TMEM165: variants seen among roughly 807,000 people sequenced by gnomAD.
TMEM165 encodes transmembrane protein 165, also known as putative divalent cation/proton antiporter TMEM165.
A neutral mutation model predicts 30.0 loss-of-function variants in TMEM165; 19 were observed. The observed-to-expected ratio is 0.63, with a 90% CI of 0.44 to 0.93. The LOEUF (loss-of-function observed/expected upper bound fraction) is 0.93, where lower values mean the gene tolerates loss of function less well. Ranked by LOEUF, TMEM165 falls within the 40% of genes least tolerant of loss-of-function variation. The probability of loss-of-function intolerance (pLI) is 0.00; values close to 1 mark genes in which losing one functional copy is unlikely to be tolerated. For synonymous variants in TMEM165, 168 were observed against 162.9 expected (o/e 1.03, Z -0.24); for missense variants, 340 against 417.0 (o/e 0.82, Z 1.61).
At chr4:55,411,357 A>G in intron 1 of TMEM165, among the ~76,000 whole-genome samples, 1 of 152,144 alleles carries the variant, frequency 6.6e-6, no homozygotes, top group East Asian at 1.9e-4. Flanking sequence ...CAGCTATGAT[A>G]TAAATATTCC....
chr4:55,435,046 T>C, intron 3 of TMEM165: 1 of 323,294 alleles, frequency 3.1e-6, no homozygotes, highest in African/African-American at 2.1e-5. Flanking sequence ...CTGTAACACT[T>C]GATAAGAGGC....
rs1721803596 is a variant in TMEM165 at position 55,417,854 on chromosome 4, A to G, written c.661A>G (p.Ser221Gly). The change falls in exon 4 of 6, where the codon AGC (serine) becomes GGC (glycine). Residue 221 changes from serine to glycine, a missense_variant. Coordinates refer to ENST00000381334, the MANE Select transcript of TMEM165 (RefSeq NM_018475.5). Reference protein sequence around the residue: ...NGPGDVETGTSITVPQKKWLH... With the variant: ...NGPGDVETGTGITVPQKKWLH... The stretch of plus-strand genomic sequence containing the variant: ...ACCGGGAGATGTTGAAACGGGTACA[A>G]GCATAACAGTACCTCAGAAAAAGTG... 2 of 1,613,896 alleles carry G rather than the reference A, an allele frequency of 1.2e-6. No individual in the cohort carries two copies. Among genetic ancestry groups the G allele is most frequent in the African/African-American group, 1.3e-5 (1 of 74,924 alleles).
chr4:55,424,478 G>T, intron 4 of TMEM165, 60 bp from the exon 5 acceptor site: 1 of 991,200 alleles, frequency 1.0e-6, no homozygotes, highest in South Asian at 1.3e-5. Context: ...GAATTGTTAT[G>T]GTTCTCAAGC....
At chr4:55,412,554 TC>T (rs1721554649) in intron 2 of TMEM165, 1 of 152,136 alleles carries the variant, frequency 6.6e-6, no homozygotes. Flanking sequence ...TACATTTTTT[TC>T]TTCCTATAAT....
intron 3 of TMEM165, among the ~76,000 whole-genome samples, chr4:55,440,710 C>A (rs1181796232): frequency 6.6e-6 from 1 of 152,122 alleles, no homozygotes; most frequent in African/African-American, 2.4e-5. Flanking sequence ...TAAATTAATA[C>A]CTGAATTAGC....
intron 1 of TMEM165, among the ~76,000 whole-genome samples, chr4:55,406,956 G>A (rs943200131): frequency 3.3e-5 from 5 of 152,182 alleles, no homozygotes; most frequent in Non-Finnish European, 7.3e-5. Flanking sequence ...GAGCCCAGCC[G>A]ACATTTAGTT....
At chr4:55,429,688 T>C (rs1181913710), downstream of TMEM165, 5 of 152,230 alleles carry the variant, frequency 3.3e-5, no homozygotes, top group Non-Finnish European at 7.3e-5. Flanking sequence ...TCATGTGCCA[T>C]TGGTTCTGTC....
chr4:55,446,095 T>TAAC (rs1055378784), intron 3 of TMEM165, among the ~76,000 whole-genome samples: 3 of 137,114 alleles, frequency 2.2e-5, no homozygotes, highest in South Asian at 2.5e-4. Context: ...GAAAAAAATT[T>TAAC]AACTTCTTTT....
intron 1 of TMEM165, among the ~76,000 whole-genome samples, chr4:55,410,650 C>A (rs1469666977): frequency 1.3e-5 from 2 of 152,186 alleles, no homozygotes; most frequent in African/African-American, 4.8e-5. Flanking sequence ...TTAGCTGGAA[C>A]CAACTCTCTA....
intron 3 of TMEM165, chr4:55,435,600 A>C: frequency 6.2e-7 from 1 of 1,613,744 alleles, no homozygotes; most frequent in Non-Finnish European, 8.5e-7. Context: ...GAAGTCTAAA[A>C]AACAAATGGA....
Position 55,425,378 on chromosome 4 carries a change from A to G in TMEM165, c.901A>G (p.Thr301Ala), listed in dbSNP as rs1264482672. The G allele has an allele frequency of 2.5e-6, 4 of 1,613,542 alleles. No individual in the cohort carries two copies. Among genetic ancestry groups the G allele is most frequent in the East Asian group, 2.2e-5 (1 of 44,840 alleles). The change falls in exon 6 of 6, where the codon ACA becomes GCA. Residue 301 changes from threonine to alanine, a missense_variant and splice_region_variant. Coordinates refer to ENST00000381334, the MANE Select transcript of TMEM165 (RefSeq NM_018475.5). Reference sequence around the variant, plus strand: ...GACTTTTTTTCTCTCTCTTCCAGTGACAATCATAGGAGGCATCGTTTTTTT... The same window carrying G: ...GACTTTTTTTCTCTCTCTTCCAGTGGCAATCATAGGAGGCATCGTTTTTTT... ...IAQKISVRTV[T>A]IIGGIVFLAF...
chr4:55,403,101 C>T (rs1721101929), intron 1 of TMEM165: 2 of 413,402 alleles, frequency 4.8e-6, no homozygotes, highest in Non-Finnish European at 8.1e-6. Flanking sequence ...CTAAAAAAAG[C>T]TTTTTTGACT....
intron 1 of TMEM165, among the ~76,000 whole-genome samples, chr4:55,409,381 A>G (rs1386389153): frequency 6.6e-6 from 1 of 152,176 alleles, no homozygotes; most frequent in Non-Finnish European, 1.5e-5. Context: ...ACGCTGTCCA[A>G]AATTACTATG....
chr4:55,442,300 A>G, intron 3 of TMEM165: 2 of 798,022 alleles, frequency 2.5e-6, no homozygotes, highest in Non-Finnish European at 2.0e-6. Context: ...TTTTATTTCA[A>G]ATTTAAGAAC....
chr4:55,425,474 T>A lies in TMEM165; in HGVS notation c.*22T>A. 6.3e-7 allele frequency: 1 copy of A among 1,576,396 alleles called. No homozygotes were observed. The highest frequency in any genetic ancestry group is 2.2e-5 in the East Asian group (1 of 44,616). ...TTAACAAGCTGTTTGTTCATCTATA[T>A]TTAGTTTAAAATAGGTAGTATTATC... On this transcript the variant is annotated 3_prime_UTR_variant, in exon 6 of 6. Transcript: ENST00000381334.
intron 1 of TMEM165, among the ~76,000 whole-genome samples, chr4:55,409,979 G>T (rs1480593540): frequency 1.3e-5 from 2 of 152,158 alleles, no homozygotes; most frequent in Non-Finnish European, 2.9e-5. Context: ...TCCCTCACGG[G>T]ATTGTTTTAG....
chr4:55,428,599 C>T (rs1273991590), downstream of TMEM165: 3 of 152,074 alleles, frequency 2.0e-5, no homozygotes, highest in Non-Finnish European at 4.4e-5. Context: ...CCGTTTTTAG[C>T]TCCACCGTTT....
intron 1 of TMEM165, 116 bp downstream of exon 1, chr4:55,396,512 G>A: frequency 1.1e-6 from 1 of 899,872 alleles, no homozygotes; most frequent in Non-Finnish European, 1.5e-6. Context: ...GGGGAGCCCG[G>A]CCCCTGCTCC....
intron 4 of TMEM165, among the ~76,000 whole-genome samples, chr4:55,420,106 A>AAAAAAATATATATATAT (rs1474254120): frequency 1.1e-4 from 5 of 45,442 alleles, no homozygotes; most frequent in Admixed American, 2.4e-4. Context: ...AAGAAAAAAA[A>AAAAAAATATATATATAT]ATATATATAT....
Sources: gnomAD v4.1 joint callset for allele counts (sites outside exome capture counted in the v4.1 genomes callset) on GRCh38, gnomAD v4.1.1 for gene constraint, MANE v1.5 for transcripts, NCBI Gene and HGNC (gene_info 2026-07-23, HGNC 2026-07-21) for gene names.